SMARCB1: variants seen among roughly 807,000 people sequenced by gnomAD.
SMARCB1 encodes SWI/SNF related BAF chromatin remodeling complex subunit B1.
Under a neutral mutation model 49.0 loss-of-function variants are expected in SMARCB1, and 5 were observed. That is an observed-to-expected ratio of 0.10 (90% confidence interval 0.05 to 0.21). The LOEUF is 0.21. Among genes scored for constraint, SMARCB1 ranks in the 10% least tolerant of loss-of-function variants. SMARCB1 has a pLI of 1.00. For missense variants in SMARCB1, 226 were observed against 509.2 expected (o/e 0.44, Z 5.35); for synonymous variants, 201 against 200.1 (o/e 1.00, Z -0.04).
intron 7 of SMARCB1, among the ~76,000 whole-genome samples, chr22:23,828,522 TG>T (rs1198853459): frequency 6.6e-6 from 1 of 151,912 alleles, no homozygotes. Context: ...GGTGTGGTGG[TG>T]GGCACCCGTA....
chr22:23,802,281 C>G (rs1929206919), intron 4 of SMARCB1: 1 of 152,802 alleles, frequency 6.5e-6, no homozygotes, highest in Non-Finnish European at 1.5e-5. Flanking sequence ...CACCCTGCCT[C>G]AGGCCTGAGA....
chr22:23,801,627 G>A, intron 4 of SMARCB1: 1 of 342,296 alleles, frequency 2.9e-6, no homozygotes, highest in East Asian at 7.6e-5. Flanking sequence ...CAGCTTTGGG[G>A]GCTGCCACGT....
intron 5 of SMARCB1, among the ~76,000 whole-genome samples, chr22:23,804,890 C>T (rs1326199453): frequency 6.6e-6 from 1 of 152,190 alleles, no homozygotes; most frequent in Admixed American, 6.5e-5. Context: ...TCTCCTGGGT[C>T]AAGGCGCCTT....
chr22:23,807,798 CTTT>C (rs71184913), intron 5 of SMARCB1, among the ~76,000 whole-genome samples: 2 of 132,688 alleles, frequency 1.5e-5, no homozygotes, highest in Admixed American at 8.0e-5. Context: ...CTTTTTTTTT[CTTT>C]TTTTTTTTTT....
At position 23,835,123 on chromosome 22, in the gene SMARCB1, G is replaced by A; in HGVS notation, c.*943G>A. Reference sequence around the variant, plus strand: ...GAGGAATATGGGAATAGCCCTCCCGGCCTGGTGCCAGCTCTTGGAGTTGAC... The same window carrying A: ...GAGGAATATGGGAATAGCCCTCCCGACCTGGTGCCAGCTCTTGGAGTTGAC... On this transcript the variant is annotated 3_prime_UTR_variant, in exon 9 of 9. Coordinates refer to ENST00000644036, the MANE Select transcript of SMARCB1 (RefSeq NM_003073.5). 2 of 1,371,244 alleles carry A rather than the reference G, an allele frequency of 1.5e-6. No homozygotes were observed. The highest frequency in any genetic ancestry group is 1.8e-5 in the South Asian group (1 of 55,404). 84.9% of individuals were successfully genotyped at this position (1,371,244 alleles called of 1,614,324 possible).
intron 2 of SMARCB1, chr22:23,792,525 G>A (rs886936223): frequency 2.7e-5 from 5 of 186,378 alleles, no homozygotes; most frequent in Non-Finnish European, 4.6e-5. Context: ...ATTTGGGTGT[G>A]GACACAGCAT....
chr22:23,787,115 C>G lies in SMARCB1; in HGVS notation c.-55C>G. 8.6e-7 allele frequency: 1 copy of G among 1,157,254 alleles called. No individual in the cohort carries two copies. The highest frequency in any genetic ancestry group is 1.2e-5 in the South Asian group (1 of 80,994). 71.7% of individuals were successfully genotyped at this position (1,157,254 alleles called of 1,614,324 possible). A position where few individuals can be genotyped will look rare whatever the true frequency, so the allele number is the denominator to read the frequency against. ...CGGCCCAGCACGCCCCGGCCCCGCC[C>G]CAGCCCTCCTGATCCCTCGCAGCCC... On this transcript the variant is annotated 5_prime_UTR_variant, in exon 1 of 9. Transcript: ENST00000644036.
At chr22:23,801,513 T>TG in intron 4 of SMARCB1, 1 of 401,572 alleles carries the variant, frequency 2.5e-6, no homozygotes, top group Non-Finnish European at 4.8e-6. Context: ...CTCACAGTTC[T>TG]GGGGCCCAGG....
chr22:23,815,611 A>G (rs1930147743), intron 5 of SMARCB1: 1 of 152,250 alleles, frequency 6.6e-6, no homozygotes, highest in African/African-American at 2.4e-5. Flanking sequence ...TGTTTATACA[A>G]TAGCCTACAC....
At chr22:23,795,067 C>T (rs1055977301) in intron 3 of SMARCB1, among the ~76,000 whole-genome samples, 1 of 152,016 alleles carries the variant, frequency 6.6e-6, no homozygotes, top group South Asian at 2.1e-4. Context: ...TGGTCCATAC[C>T]TTGAAGTACA....
At chr22:23,812,608 A>G (rs1450436634) in intron 5 of SMARCB1, among the ~76,000 whole-genome samples, 3 of 152,248 alleles carry the variant, frequency 2.0e-5, no homozygotes, top group Non-Finnish European at 2.9e-5. Flanking sequence ...TCAGCAATAT[A>G]TAGAAATAAT....
In SMARCB1 at chr22:23,809,782, G is replaced by T. The variant is rs189729798; in HGVS notation, c.628+6360G>T. Among the ~76,000 whole-genome samples, 3 of 152,158 alleles carry T rather than the reference G, an allele frequency of 2.0e-5. No homozygotes were observed. In the East Asian group the frequency reaches 5.8e-4, roughly 30 times the overall value. On this transcript the variant is annotated intron_variant, in intron 5 of 8. Coordinates refer to ENST00000644036, the MANE Select transcript of SMARCB1 (RefSeq NM_003073.5). ...GCATGATATTTTTCAAGTACTGAAA[G>T]AAAAGAACTATTAATCTAGAATCCT...
rs1460406417 is a variant in SMARCB1 at position 23,835,995 on chromosome 22, G to A, written c.*1815G>A. The A allele has an allele frequency of 7.3e-5, 72 of 985,374 alleles. No homozygotes were observed. The highest frequency in any genetic ancestry group is 1.8e-4 in the Admixed American group (3 of 16,274). 61.0% of individuals were successfully genotyped at this position (985,374 alleles called of 1,614,324 possible). A position where few individuals can be genotyped will look rare whatever the true frequency, so the allele number is the denominator to read the frequency against. On this transcript the variant is annotated 3_prime_UTR_variant, in exon 9 of 9. Coordinates refer to ENST00000644036, the MANE Select transcript of SMARCB1 (RefSeq NM_003073.5). ...ACAACCTGTCTTTGGAGGAGGCCCC[G>A]TGCCACTGAGCATCCAGAAATAAAC...
At chr22:23,820,313 G>T (rs954204605) in intron 6 of SMARCB1, among the ~76,000 whole-genome samples, 1 of 151,234 alleles carries the variant, frequency 6.6e-6, no homozygotes, top group African/African-American at 2.4e-5. Flanking sequence ...AGTGGCTCAC[G>T]CCTGTAATCC....
chr22:23,822,699 T>C (rs2030157340), intron 6 of SMARCB1, among the ~76,000 whole-genome samples: 1 of 152,148 alleles, frequency 6.6e-6, no homozygotes, highest in Non-Finnish European at 1.5e-5. Flanking sequence ...TACCAGACCT[T>C]GGCTCCTCAG....
At position 23,834,472 on chromosome 22, in the gene SMARCB1, A is replaced by G; in HGVS notation, c.*292A>G. The G allele has an allele frequency of 1.4e-6, 1 of 697,614 alleles. No homozygotes were observed. The highest frequency in any genetic ancestry group is 2.6e-6 in the Non-Finnish European group (1 of 382,300). 43.2% of individuals were successfully genotyped at this position (697,614 alleles called of 1,614,324 possible). The stretch of plus-strand genomic sequence containing the variant: ...ATAGGAGCCCCAGGCAGGGCTAGTA[A>G]CAGTTTTTAAATAAAAGGCAACAGG... On this transcript the variant is annotated 3_prime_UTR_variant, in exon 9 of 9. Transcript: ENST00000644036.
chr22:23,800,893 C>A, intron 3 of SMARCB1, 51 bp from the exon 4 acceptor site: 1 of 1,347,232 alleles, frequency 7.4e-7, no homozygotes, highest in Non-Finnish European at 1.1e-6. Context: ...TCCTGGTGGG[C>A]AGGATCAGGC....
chr22:23,833,445 G>A (rs2030774097), intron 7 of SMARCB1, 127 bp from the exon 8 acceptor site: 1 of 1,335,426 alleles, frequency 7.5e-7, no homozygotes, highest in Non-Finnish European at 1.1e-6. Flanking sequence ...TCAGGTGACT[G>A]GAGCATCCAC....
At position 23,834,138 on chromosome 22, in the gene SMARCB1, C is replaced by G; in HGVS notation, c.1119-3C>G. The G allele has an allele frequency of 6.3e-7, 1 of 1,589,460 alleles. No homozygotes were observed. The highest frequency in any genetic ancestry group is 8.6e-7 in the Non-Finnish European group (1 of 1,168,276). On this transcript the variant is annotated splice_polypyrimidine_tract_variant and splice_region_variant and intron_variant, in intron 8 of 8. Transcript: ENST00000644036. ...CTCATTGCCCTCCCCACTCCTCTTC[C>G]AGGCGGATGAGGCGTCTTGCCAACA...
Sources: allele counts gnomAD v4.1 joint callset (sites outside exome capture counted in the v4.1 genomes callset), GRCh38; gene constraint gnomAD v4.1.1; transcripts MANE v1.5; gene names NCBI Gene and HGNC (gene_info 2026-07-23, HGNC 2026-07-21).